The following DCDC1 variants were observed in gnomAD, a reference collection of about 807,000 sequenced individuals.
The protein encoded by DCDC1 is doublecortin domain containing 1.
A neutral mutation model predicts 178.3 loss-of-function variants in DCDC1; 200 were observed. The observed-to-expected ratio is 1.12, with a 90% CI of 1.00 to 1.26. The LOEUF (loss-of-function observed/expected upper bound fraction) is 1.26. Among genes scored for constraint, DCDC1 ranks in the 50% most tolerant of loss-of-function variants. The pLI is 0.00. For missense variants in DCDC1, 1,983 were observed against 1,749.2 expected (o/e 1.13, Z -2.38); for synonymous variants, 690 against 604.8 (o/e 1.14, Z -2.07).
rs574206269 is a variant in DCDC1, at chr11:31,169,991, G to A, written c.1222-32207C>T. 2.7e-4 allele frequency among the ~76,000 whole-genome samples: 41 copies of A among 152,318 alleles called. 1 individual carries two copies. Among genetic ancestry groups the A allele is most frequent in the Middle Eastern group, 3.4e-3 (1 of 294 alleles). On this transcript the variant is annotated intron_variant, in intron 9 of 38. Coordinates refer to ENST00000684477, the MANE Select transcript of DCDC1 (RefSeq NM_001387274.1). ...TGGCTGAGTTTCTGTTTGTGGCACA[G>A]GGTGAGTGAATGGGAGTGGTGAGAG...
At chr11:31,327,271 C>T (rs150612536) in intron 3 of DCDC1, among the ~76,000 whole-genome samples, 135 of 152,174 alleles carry the variant, frequency 8.9e-4, no homozygotes, top group African/African-American at 3.1e-3. Flanking sequence ...CGGGTTCAAG[C>T]GATTCTCCTG....
chr11:30,864,356 A>C lies in DCDC1; in HGVS notation c.*1017T>G, dbSNP rs935846259. ...ATCAAAGATATATTTTAAGGATATAAGATGTCTAGTTTATACCATGACATT... is the reference window on the plus strand; with the variant it reads ...ATCAAAGATATATTTTAAGGATATACGATGTCTAGTTTATACCATGACATT... On this transcript the variant is annotated 3_prime_UTR_variant, in exon 39 of 39. Transcript: ENST00000684477. 2 of 152,250 alleles carry C rather than the reference A, an allele frequency of 1.3e-5. No homozygotes were observed. The highest frequency in any genetic ancestry group is 4.8e-5 in the African/African-American group (2 of 41,462). 9.4% of individuals were successfully genotyped at this position (152,250 alleles called of 1,614,324 possible). A position where few individuals can be genotyped will look rare whatever the true frequency, so the allele number is the denominator to read the frequency against.
intron 27 of DCDC1, among the ~76,000 whole-genome samples, chr11:30,914,406 T>A (rs1385197533): frequency 6.6e-6 from 1 of 152,214 alleles, no homozygotes; most frequent in Admixed American, 6.5e-5. Context: ...TTCATAAGCC[T>A]TTTCATCGCA....
At chr11:31,053,730 A>G (rs1955410268) in intron 20 of DCDC1, among the ~76,000 whole-genome samples, 1 of 152,224 alleles carries the variant, frequency 6.6e-6, no homozygotes, top group Admixed American at 6.5e-5. Context: ...TCACATGATC[A>G]TCTCAATAGA....
At chr11:31,324,731 CAATGTTTATATTTCAAA>C (rs1434521000) in intron 3 of DCDC1, among the ~76,000 whole-genome samples, 4 of 151,944 alleles carry the variant, frequency 2.6e-5, no homozygotes, top group Non-Finnish European at 5.9e-5. Flanking sequence ...ATAGAAAAGG[CAATGTTTATATTTCAAA>C]AATGTTTATA....
rs139882609 is a variant in DCDC1 at position 31,238,189 on chromosome 11, G to T, written c.1221+3261C>A. Among the ~76,000 whole-genome samples, 1,045 of 152,080 alleles carry T rather than the reference G, an allele frequency of 6.9e-3. 14 individuals are homozygous for T. The highest frequency in any genetic ancestry group is 0.024 in the African/African-American group (991 of 41,514). The stretch of plus-strand genomic sequence containing the variant: ...AACTTGGGAAGACATTTTCAGAAAT[G>T]AGTGTTTCTCAAAAATCACATTTGT... On this transcript the variant is annotated intron_variant, in intron 9 of 38. Transcript: ENST00000684477.
At chr11:31,048,851 C>G (rs1001818459) in intron 20 of DCDC1, among the ~76,000 whole-genome samples, 1 of 150,942 alleles carries the variant, frequency 6.6e-6, no homozygotes, top group Non-Finnish European at 1.5e-5. Context: ...AGCAAGACTC[C>G]GTCTCAAAAA....
chr11:31,243,613 G>A (rs1429975426), intron 8 of DCDC1, among the ~76,000 whole-genome samples: 3 of 151,514 alleles, frequency 2.0e-5, no homozygotes, highest in Non-Finnish European at 3.0e-5. Context: ...AAAATTCTAA[G>A]TTTTTCAAAG....
At chr11:31,115,996 T>TGGGGGGGGGG (rs1555066794) in intron 11 of DCDC1, among the ~76,000 whole-genome samples, 9 of 44,998 alleles carry the variant, frequency 2.0e-4, no homozygotes, top group African/African-American at 4.3e-4. Context: ...GGGGGGGGGA[T>TGGGGGGGGGG]GGGTATCTCA....
intron 1 of DCDC1, among the ~76,000 whole-genome samples, chr11:31,353,449 C>A (rs572767571): frequency 1.3e-5 from 2 of 152,240 alleles, no homozygotes; most frequent in South Asian, 4.2e-4. Flanking sequence ...CAGATGGTAT[C>A]CATTTGATAA....
intron 6 of DCDC1, among the ~76,000 whole-genome samples, chr11:31,301,423 T>C (rs937466851): frequency 6.6e-6 from 1 of 152,216 alleles, no homozygotes; most frequent in Non-Finnish European, 1.5e-5. Flanking sequence ...GGCAGCACTA[T>C]AGCGTTCTGT....
At position 31,167,766 on chromosome 11, in the gene DCDC1, C is replaced by G. The variant is rs188313447; in HGVS notation, c.1222-29982G>C. ...AGTGTCTTTTTCATAGTTCTCAGTC[C>G]TGTCTTCTCATAAGAAACATCTGGA... On this transcript the variant is annotated intron_variant, in intron 9 of 38. Transcript: ENST00000684477. 6.2e-4 allele frequency among the ~76,000 whole-genome samples: 94 copies of G among 152,234 alleles called. No homozygotes were observed. In the East Asian group the frequency reaches 0.012, roughly 20 times the overall value.
At chr11:31,270,576 A>G (rs774814179) in intron 7 of DCDC1, among the ~76,000 whole-genome samples, 5 of 152,276 alleles carry the variant, frequency 3.3e-5, no homozygotes, top group Admixed American at 6.5e-5. Context: ...GACTAGACCC[A>G]CAACCTCTTT....
At chr11:31,069,100 C>A (rs1271605233) in intron 18 of DCDC1, among the ~76,000 whole-genome samples, 1 of 152,106 alleles carries the variant, frequency 6.6e-6, no homozygotes, top group African/African-American at 2.4e-5. Context: ...ATCTGCCCAC[C>A]TCGGCCTCCC....
At chr11:31,366,355 C>A (rs1951956889) in intron 1 of DCDC1, among the ~76,000 whole-genome samples, 1 of 152,180 alleles carries the variant, frequency 6.6e-6, no homozygotes, top group African/African-American at 2.4e-5. Context: ...GAGAATGAGG[C>A]AAGATAGCTG....
chr11:31,053,850 C>T (rs1188379822), intron 20 of DCDC1, among the ~76,000 whole-genome samples: 3 of 152,130 alleles, frequency 2.0e-5, no homozygotes, highest in Non-Finnish European at 4.4e-5. Flanking sequence ...CTATGACAAA[C>T]CCACAGCCGA....
At chr11:30,910,635 T>C (rs912594858) in intron 28 of DCDC1, among the ~76,000 whole-genome samples, 3 of 152,206 alleles carry the variant, frequency 2.0e-5, no homozygotes, top group Non-Finnish European at 4.4e-5. Flanking sequence ...GGAATGCCTC[T>C]TCACTTTCTC....
chr11:31,002,745 T>C (rs1951642768), intron 20 of DCDC1, among the ~76,000 whole-genome samples: 1 of 152,190 alleles, frequency 6.6e-6, no homozygotes, highest in African/African-American at 2.4e-5. Flanking sequence ...AGATTCTGTT[T>C]TCTTACAGAA....
chr11:31,324,520 G>C (rs1454504009), intron 3 of DCDC1, among the ~76,000 whole-genome samples: 1 of 151,002 alleles, frequency 6.6e-6, no homozygotes, highest in Non-Finnish European at 1.5e-5. Context: ...ATTTGTAAAG[G>C]CTTGAAGGAA....
Sources: gnomAD v4.1 joint callset for allele counts (sites outside exome capture counted in the v4.1 genomes callset) on GRCh38, gnomAD v4.1.1 for gene constraint, MANE v1.5 for transcripts, NCBI Gene and HGNC (gene_info 2026-07-23, HGNC 2026-07-21) for gene names.